The following JAZF1 variants were observed in gnomAD, a reference collection of about 807,000 sequenced individuals.
JAZF1 encodes juxtaposed with another zinc finger protein 1.
A neutral mutation model predicts 26.4 loss-of-function variants in JAZF1; 8 were observed. The observed-to-expected ratio is 0.30, with a 90% CI of 0.18 to 0.55. The LOEUF is 0.55. Among genes scored for constraint, JAZF1 ranks in the 20% least tolerant of loss-of-function variants. JAZF1 has a pLI of 0.94. For synonymous variants in JAZF1, 126 were observed against 122.3 expected (o/e 1.03, Z -0.20); for missense variants, 199 against 322.0 (o/e 0.62, Z 2.92).
intron 2 of JAZF1, among the ~76,000 whole-genome samples, chr7:27,970,458 C>T (rs1048566954): frequency 1.3e-5 from 2 of 152,108 alleles, no homozygotes; most frequent in African/African-American, 4.8e-5. Flanking sequence ...CAAAACAAAA[C>T]AAAAAAACCC....
At chr7:27,868,852 G>A (rs531946808) in intron 3 of JAZF1, among the ~76,000 whole-genome samples, 2 of 152,306 alleles carry the variant, frequency 1.3e-5, no homozygotes, top group East Asian at 3.9e-4. Flanking sequence ...ACATGGAGAA[G>A]GCTTTTCACG....
At chr7:28,050,757 T>C (rs1388172825) in intron 1 of JAZF1, among the ~76,000 whole-genome samples, 1 of 152,224 alleles carries the variant, frequency 6.6e-6, no homozygotes, top group Non-Finnish European at 1.5e-5. Context: ...CATTAAGTCA[T>C]GCTTGTTGAT....
Position 27,831,787 on chromosome 7 carries a change from G to T in JAZF1, c.*1013C>A, listed in dbSNP as rs577280379. The T allele has an allele frequency of 9.9e-5, 22 of 221,696 alleles. No individual in the cohort carries two copies. Among genetic ancestry groups the T allele is most frequent in the Non-Finnish European group, 1.4e-4 (16 of 110,686 alleles). The allele number at this position is 221,696 out of a possible 1,614,324, so 13.7% of individuals were successfully genotyped here. On this transcript the variant is annotated 3_prime_UTR_variant, in exon 5 of 5. Transcript: ENST00000283928. The stretch of plus-strand genomic sequence containing the variant: ...TCTTTGAAACGTGCTTAGAATTTTA[G>T]TTCTGATTTGCAACCCACAGGTTTG...
intron 1 of JAZF1, among the ~76,000 whole-genome samples, chr7:28,153,352 A>C (rs1422258363): frequency 6.6e-6 from 1 of 152,240 alleles, no homozygotes; most frequent in Non-Finnish European, 1.5e-5. Flanking sequence ...GTATTTTATA[A>C]ATTTATTTTC....
chr7:28,050,195 T>C (rs1005875969), intron 1 of JAZF1, among the ~76,000 whole-genome samples: 1 of 152,212 alleles, frequency 6.6e-6, no homozygotes, highest in Non-Finnish European at 1.5e-5. Context: ...AGCACCCCTA[T>C]TGCTCAGAAA....
chr7:28,123,353 C>T (rs1194630292), intron 1 of JAZF1, among the ~76,000 whole-genome samples: 1 of 152,206 alleles, frequency 6.6e-6, no homozygotes, highest in Non-Finnish European at 1.5e-5. Flanking sequence ...ACCCTCACAG[C>T]AGGCCATGCC....
intron 1 of JAZF1, among the ~76,000 whole-genome samples, chr7:28,175,699 G>A (rs1164343856): frequency 6.6e-6 from 1 of 152,196 alleles, no homozygotes. Context: ...TCAATCGTGT[G>A]AGGGGAGGTG....
intron 1 of JAZF1, among the ~76,000 whole-genome samples, chr7:28,178,397 G>A (rs1029437998): frequency 1.7e-4 from 26 of 151,810 alleles, no homozygotes; most frequent in African/African-American, 6.1e-4. Flanking sequence ...TAGGCAATGG[G>A]GTAAAATTAT....
chr7:28,020,499 C>T (rs535692620), intron 1 of JAZF1: 320 of 464,522 alleles, frequency 6.9e-4, no homozygotes, highest in Non-Finnish European at 1.3e-3. Flanking sequence ...GCCTATGACC[C>T]CTAGGACTGA....
chr7:28,141,220 T>C (rs533042935), intron 1 of JAZF1, among the ~76,000 whole-genome samples: 1 of 152,126 alleles, frequency 6.6e-6, no homozygotes, highest in Non-Finnish European at 1.5e-5. Context: ...TTCTAGAAGG[T>C]TGAAGTTAAC....
intron 1 of JAZF1, among the ~76,000 whole-genome samples, chr7:28,138,519 T>A (rs570106308): frequency 6.6e-6 from 1 of 152,248 alleles, no homozygotes; most frequent in Non-Finnish European, 1.5e-5. Context: ...AATGCTTCGC[T>A]GTTCACCTGT....
intron 1 of JAZF1, among the ~76,000 whole-genome samples, chr7:28,057,605 T>G (rs1157513440): frequency 6.6e-6 from 1 of 152,254 alleles, no homozygotes; most frequent in Non-Finnish European, 1.5e-5. Context: ...TGAATCTTCA[T>G]GACCCATCAC....
At chr7:27,934,861 C>G (rs185038066) in intron 2 of JAZF1, among the ~76,000 whole-genome samples, 1 of 152,230 alleles carries the variant, frequency 6.6e-6, no homozygotes, top group East Asian at 1.9e-4. Context: ...AATTAGACTT[C>G]GTTAAAACTA....
In JAZF1 at chr7:27,840,199, G is replaced by A. The variant is rs954333596; in HGVS notation, c.555+499C>T. Among the ~76,000 whole-genome samples, 8 of 152,126 alleles carry A rather than the reference G, an allele frequency of 5.3e-5. No individual in the cohort carries two copies. Among genetic ancestry groups the A allele is most frequent in the Admixed American group, 3.3e-4 (5 of 15,286 alleles). On this transcript the variant is annotated intron_variant, in intron 4 of 4. Transcript: ENST00000283928. This position sits in a 1 kb window ranked among gnomAD's most constrained non-coding sequence, Gnocchi z 5.1. Reference sequence around the variant, plus strand: ...CTCCTGATCCCCTTTCATGCCACTGGGTGGAAGGAAGCAAGAACTTCCTCA... The same window carrying A: ...CTCCTGATCCCCTTTCATGCCACTGAGTGGAAGGAAGCAAGAACTTCCTCA...
chr7:27,949,736 C>T (rs542372752), intron 2 of JAZF1, among the ~76,000 whole-genome samples: 4 of 152,288 alleles, frequency 2.6e-5, no homozygotes, highest in South Asian at 4.1e-4. Context: ...GCACTCTACC[C>T]CAGGCAACGG....
intron 4 of JAZF1, among the ~76,000 whole-genome samples, chr7:27,835,927 G>C (rs1394505833): frequency 6.6e-6 from 1 of 152,188 alleles, no homozygotes; most frequent in Non-Finnish European, 1.5e-5. Context: ...AAGGAAAGTT[G>C]CTAACATTTA....
intron 2 of JAZF1, among the ~76,000 whole-genome samples, chr7:27,970,483 C>T (rs566742172): frequency 2.5e-4 from 38 of 152,258 alleles, no homozygotes; most frequent in Non-Finnish European, 4.7e-4. Flanking sequence ...AAACTTACAT[C>T]ATTACTTTCA....
chr7:28,058,802 T>C (rs1201387204), intron 1 of JAZF1, among the ~76,000 whole-genome samples: 1 of 152,228 alleles, frequency 6.6e-6, no homozygotes, highest in African/African-American at 2.4e-5. Flanking sequence ...TTACTGATTT[T>C]ATAGTGCAAT....
intron 1 of JAZF1, among the ~76,000 whole-genome samples, chr7:28,033,750 T>TG (rs1554283260): frequency 2.0e-5 from 3 of 152,044 alleles, no homozygotes; most frequent in African/African-American, 4.8e-5. Context: ...AACTCTTTTT[T>TG]GGGGGGGCAA....
Sources: gnomAD v4.1 joint callset for allele counts (sites outside exome capture counted in the v4.1 genomes callset) on GRCh38, gnomAD v4.1.1 for gene constraint, Gnocchi (gnomAD v3.1) non-coding constraint, MANE v1.5 for transcripts, NCBI Gene and HGNC (gene_info 2026-07-23, HGNC 2026-07-21) for gene names.